LAMA2: variants seen among roughly 807,000 people sequenced by gnomAD.
LAMA2 encodes the protein laminin subunit alpha-2.
Under a neutral mutation model 364.8 loss-of-function variants are expected in LAMA2, and 269 were observed. That is an observed-to-expected ratio of 0.74 (90% confidence interval 0.67 to 0.82). LAMA2 has a LOEUF of 0.82. Among genes scored for constraint, LAMA2 ranks in the 40% least tolerant of loss-of-function variants. The probability of loss-of-function intolerance (pLI) is 0.00; values close to 1 mark genes in which losing one functional copy is unlikely to be tolerated. For missense variants in LAMA2, 3,807 were observed against 3,873.2 expected, an observed-to-expected ratio of 0.98 and a Z score of 0.45; for synonymous variants, 1,379 against 1,370.6, an observed-to-expected ratio of 1.01 and a Z score of -0.14.
chr6:128,921,509 G>T (rs1020488465), intron 1 of LAMA2, among the ~76,000 whole-genome samples: 1 of 152,080 alleles, frequency 6.6e-6, no homozygotes, highest in African/African-American at 2.4e-5. Context: ...GAAGAGGGGA[G>T]GAGATACAGA....
intron 1 of LAMA2, among the ~76,000 whole-genome samples, chr6:128,935,462 T>C (rs560398883): frequency 1.6e-3 from 236 of 152,206 alleles, no homozygotes; most frequent in Non-Finnish European, 2.4e-3. Flanking sequence ...TCCAGTCTAT[T>C]ATTGATGGAC....
chr6:129,270,576 G>T (rs1386879959), intron 16 of LAMA2, 48 bp from the exon 17 acceptor site: 1 of 1,607,854 alleles, frequency 6.2e-7, no homozygotes, highest in East Asian at 2.2e-5. Flanking sequence ...GCAACATGTT[G>T]ATCCCTGACA....
chr6:129,040,056 C>A (rs1786981646), intron 1 of LAMA2, among the ~76,000 whole-genome samples: 1 of 151,996 alleles, frequency 6.6e-6, no homozygotes, highest in Non-Finnish European at 1.5e-5. Context: ...GAGGTAGAGA[C>A]AAAAAGTAAT....
chr6:129,154,290 T>C (rs747067213), intron 7 of LAMA2, among the ~76,000 whole-genome samples: 26 of 152,044 alleles, frequency 1.7e-4, no homozygotes, highest in Non-Finnish European at 3.7e-4. Flanking sequence ...GCATGCCTGT[T>C]GTCCCCAGCT....
At chr6:129,229,689 C>T (rs1784556008) in intron 12 of LAMA2, among the ~76,000 whole-genome samples, 1 of 152,052 alleles carries the variant, frequency 6.6e-6, no homozygotes, top group Non-Finnish European at 1.5e-5. Flanking sequence ...TGAAAATGAT[C>T]AAGTGTGGTT....
At chr6:129,291,232 A>G (rs1177724312) in intron 19 of LAMA2, among the ~76,000 whole-genome samples, 1 of 152,196 alleles carries the variant, frequency 6.6e-6, no homozygotes, top group Admixed American at 6.5e-5. Context: ...TTACACCTTG[A>G]GTCAAGAACT....
At chr6:129,368,188 CT>C (rs1305127473) in intron 33 of LAMA2, among the ~76,000 whole-genome samples, 3 of 152,208 alleles carry the variant, frequency 2.0e-5, no homozygotes, top group African/African-American at 7.2e-5. Context: ...GCTCCACCTC[CT>C]AATATCATCA....
chr6:129,187,818 G>C (rs928183495), intron 10 of LAMA2, among the ~76,000 whole-genome samples: 1 of 151,684 alleles, frequency 6.6e-6, no homozygotes, highest in Admixed American at 6.6e-5. Flanking sequence ...TGCCCCCAAA[G>C]TTTCAAATTT....
At chr6:128,985,262 A>T (rs188738773) in intron 1 of LAMA2, among the ~76,000 whole-genome samples, 1 of 152,230 alleles carries the variant, frequency 6.6e-6, no homozygotes, top group African/African-American at 2.4e-5. Flanking sequence ...CAGATTAGTC[A>T]AGGTTTACAG....
chr6:128,907,495 A>T (rs2114440058), intron 1 of LAMA2, among the ~76,000 whole-genome samples: 1 of 152,200 alleles, frequency 6.6e-6, no homozygotes, highest in East Asian at 1.9e-4. Context: ...GTATCCTGAG[A>T]CTTTGCTGAA....
At chr6:129,256,532 G>A (rs1414685363) in intron 14 of LAMA2, among the ~76,000 whole-genome samples, 1 of 151,846 alleles carries the variant, frequency 6.6e-6, no homozygotes, top group East Asian at 1.9e-4. Flanking sequence ...AATATAAATA[G>A]TGCAGAAGAA....
intron 3 of LAMA2, among the ~76,000 whole-genome samples, chr6:129,090,795 G>T (rs72988966): frequency 0.1 from 15,427 of 152,174 alleles, 885 homozygotes; most frequent in East Asian, 0.15. Context: ...AAATATCTGG[G>T]TGTCTCTTTT....
At position 129,157,409 on chromosome 6, in the gene LAMA2, G is replaced by A. The variant is rs1419990432; in HGVS notation, c.1206+2726G>A. ...AATATTAGCAGCCTGTGAACACGTA[G>A]TGAAGAAAGAGTCTGAGAACCAAGT... On this transcript the variant is annotated intron_variant, in intron 8 of 64. Coordinates refer to ENST00000421865, the MANE Select transcript of LAMA2 (RefSeq NM_000426.4). 7 of 1,291,752 alleles carry A rather than the reference G, an allele frequency of 5.4e-6. No homozygotes were observed. In the African/African-American group the frequency reaches 1.0e-4, roughly 19 times the overall value. The allele number at this position is 1,291,752 out of a possible 1,614,324, so 80.0% of individuals were successfully genotyped here.
rs576002341 is a variant in LAMA2, at chr6:129,279,957, T to A, written c.2451-104T>A. ...TGGGGTGAGAATGACCAGCCTGTAC[T>A]CTTTTGTCAGAGCAGTAGTGGAGAG... is the stretch of plus-strand genomic sequence containing the variant. On this transcript the variant is annotated intron_variant, in intron 17 of 64. Transcript: ENST00000421865. 1.0e-4 allele frequency: 82 copies of A among 791,524 alleles called. No homozygotes were observed. In the South Asian group the frequency reaches 1.1e-3, roughly 11 times the overall value. 49.0% of individuals were successfully genotyped at this position (791,524 alleles called of 1,614,324 possible).
At chr6:129,302,508 T>C (rs1583450704) in intron 22 of LAMA2, among the ~76,000 whole-genome samples, 1 of 152,260 alleles carries the variant, frequency 6.6e-6, no homozygotes, top group East Asian at 1.9e-4. Flanking sequence ...ATTATCTTTT[T>C]CTTCTATAGT....
chr6:128,923,362 G>T (rs1400421531), intron 1 of LAMA2, among the ~76,000 whole-genome samples: 2 of 151,154 alleles, frequency 1.3e-5, no homozygotes, highest in East Asian at 3.9e-4. Flanking sequence ...TCTTCCATTT[G>T]TTTGTATCCT....
At chr6:129,233,575 CT>C (rs1339608657) in intron 12 of LAMA2, among the ~76,000 whole-genome samples, 1 of 152,016 alleles carries the variant, frequency 6.6e-6, no homozygotes, top group Admixed American at 6.6e-5. Context: ...TCTTAAAGGT[CT>C]TCATCTGCAT....
intron 51 of LAMA2, among the ~76,000 whole-genome samples, chr6:129,468,743 G>A (rs1783665938): frequency 6.6e-6 from 1 of 151,872 alleles, no homozygotes; most frequent in Non-Finnish European, 1.5e-5. Context: ...GATAAGATTA[G>A]CTCTTACAGG....
At chr6:129,070,672 A>G (rs1773252862) in intron 3 of LAMA2, among the ~76,000 whole-genome samples, 1 of 152,124 alleles carries the variant, frequency 6.6e-6, no homozygotes, top group Non-Finnish European at 1.5e-5. Context: ...TTTTAATTAT[A>G]TCAATCTTGT....
Sources: allele counts gnomAD v4.1 joint callset (sites outside exome capture counted in the v4.1 genomes callset), GRCh38; gene constraint gnomAD v4.1.1; transcripts MANE v1.5; gene names NCBI Gene and HGNC (gene_info 2026-07-23, HGNC 2026-07-21).